Variants in PARD3B observed in about 807,000 individuals in gnomAD.
PARD3B encodes partitioning defective 3 homolog B.
Under a neutral mutation model 130.2 loss-of-function variants are expected in PARD3B, and 103 were observed. The ratio of observed to expected loss-of-function variants is 0.79; its 90% CI spans 0.67 to 0.93. The LOEUF is 0.93. Among genes scored for constraint, PARD3B ranks in the 40% least tolerant of loss-of-function variants. The probability of loss-of-function intolerance (pLI) is 0.00; values close to 1 mark genes in which losing one functional copy is unlikely to be tolerated. For synonymous variants in PARD3B, 583 were observed against 553.2 expected, an observed-to-expected ratio of 1.05 and a Z score of -0.76; for missense variants, 1,609 against 1,499.2, an observed-to-expected ratio of 1.07 and a Z score of -1.21.
At chr2:204,620,441 C>T (rs2034259211) in intron 1 of PARD3B, among the ~76,000 whole-genome samples, 1 of 152,184 alleles carries the variant, frequency 6.6e-6, no homozygotes. Context: ...TACTTCATCT[C>T]TGTTATGATT....
rs1333503795 is a variant in PARD3B, at chr2:205,590,549, G to A, written c.3261-24907G>A. ...CTGATGATCCAGGCCTGGGTCACAT[G>A]CCCCTCTGGAGTCCAGAGTGGAGTC... On this transcript the variant is annotated intron_variant, in intron 22 of 22. Transcript: ENST00000406610. The surrounding 1 kb of genome is among the most constrained non-coding windows in gnomAD (Gnocchi z 4.1). Among the ~76,000 whole-genome samples the A allele has an allele frequency of 6.6e-6, 1 of 152,192 alleles. No individual in the cohort carries two copies. Among genetic ancestry groups the A allele is most frequent in the Non-Finnish European group, 1.5e-5 (1 of 68,036 alleles).
chr2:205,556,121 T>C (rs2052872693), intron 22 of PARD3B, among the ~76,000 whole-genome samples: 2 of 152,306 alleles, frequency 1.3e-5, no homozygotes, highest in South Asian at 2.1e-4. Flanking sequence ...CACATCTCGG[T>C]AGGCACCGGA....
At chr2:204,882,210 A>T (rs951402059) in intron 2 of PARD3B, among the ~76,000 whole-genome samples, 2 of 152,226 alleles carry the variant, frequency 1.3e-5, no homozygotes, top group Non-Finnish European at 2.9e-5. Context: ...CCCCATATTT[A>T]AAAATCTGTA....
intron 18 of PARD3B, among the ~76,000 whole-genome samples, chr2:205,390,511 G>A (rs1369346266): frequency 3.3e-5 from 5 of 152,108 alleles, no homozygotes; most frequent in Admixed American, 1.3e-4. Flanking sequence ...GAAAAGATGC[G>A]AATTTGGGCA....
chr2:204,654,809 T>G (rs1011937340), intron 1 of PARD3B, among the ~76,000 whole-genome samples: 1 of 152,180 alleles, frequency 6.6e-6, no homozygotes, highest in Non-Finnish European at 1.5e-5. Context: ...TTTGTTTATT[T>G]CTGGGCACAG....
chr2:204,710,297 C>T (rs1329687449), intron 2 of PARD3B, among the ~76,000 whole-genome samples: 1 of 152,184 alleles, frequency 6.6e-6, no homozygotes, highest in Non-Finnish European at 1.5e-5. Context: ...CTGGCACATA[C>T]TGCCTAAGAA....
intron 22 of PARD3B, among the ~76,000 whole-genome samples, chr2:205,599,489 T>C (rs765207281): frequency 6.6e-5 from 10 of 152,212 alleles, no homozygotes; most frequent in Non-Finnish European, 1.2e-4. Flanking sequence ...GAAGTCTTTA[T>C]TGCAAGACCA....
Position 204,780,171 on chromosome 2 carries a change from T to A in PARD3B, c.222+93889T>A, listed in dbSNP as rs562711439. Among the ~76,000 whole-genome samples the A allele has an allele frequency of 3.9e-5, 6 of 152,308 alleles. No individual in the cohort carries two copies. In the East Asian group the frequency reaches 1.2e-3, roughly 29 times the overall value. On this transcript the variant is annotated intron_variant, in intron 2 of 22. Transcript: ENST00000406610. The stretch of plus-strand genomic sequence containing the variant: ...GGAGGTGTTCAGTACATTATGAAAT[T>A]CTGTGCTTTTACCTCCTGCTAAGGA...
chr2:204,595,277 G>C (rs760128742), intron 1 of PARD3B, among the ~76,000 whole-genome samples: 1 of 152,148 alleles, frequency 6.6e-6, no homozygotes, highest in Non-Finnish European at 1.5e-5. Flanking sequence ...GGCTGGACTC[G>C]GGCAGTGGAA....
At chr2:205,378,938 T>C (rs1461016571) in intron 18 of PARD3B, among the ~76,000 whole-genome samples, 1 of 151,874 alleles carries the variant, frequency 6.6e-6, no homozygotes, top group Non-Finnish European at 1.5e-5. Context: ...CCTTTTTTTT[T>C]TCTTTCTTTT....
At chr2:204,770,446 G>A (rs2041315923) in intron 2 of PARD3B, among the ~76,000 whole-genome samples, 1 of 150,152 alleles carries the variant, frequency 6.7e-6, no homozygotes, top group Non-Finnish European at 1.5e-5. Context: ...TTTGGAATAG[G>A]TGTGGTGTGG....
At chr2:204,916,734 A>C (rs1389476358) in intron 2 of PARD3B, among the ~76,000 whole-genome samples, 1 of 152,172 alleles carries the variant, frequency 6.6e-6, no homozygotes, top group Non-Finnish European at 1.5e-5. Flanking sequence ...TTAATGAGCA[A>C]GAATGCCACA....
At position 205,563,430 on chromosome 2, in the gene PARD3B, G is replaced by A. The variant is rs1051352914; in HGVS notation, c.3260+10027G>A. Among the ~76,000 whole-genome samples the A allele has an allele frequency of 1.3e-5, 2 of 152,112 alleles. No individual in the cohort carries two copies. The highest frequency in any genetic ancestry group is 2.9e-5 in the Non-Finnish European group (2 of 68,030). On this transcript the variant is annotated intron_variant, in intron 22 of 22. Coordinates refer to ENST00000406610, the MANE Select transcript of PARD3B (RefSeq NM_001302769.2). This position sits in a 1 kb window ranked among gnomAD's most constrained non-coding sequence, Gnocchi z 4.2. ...GAATCAGAATCAGAATTCAAACCCA[G>A]GACTCTCTGGTTTCCAAGGCCTTTT...
chr2:204,965,655 T>C (rs1691176330), intron 3 of PARD3B, among the ~76,000 whole-genome samples: 1 of 152,130 alleles, frequency 6.6e-6, no homozygotes, highest in African/African-American at 2.4e-5. Context: ...AAAGCCAAGG[T>C]TTATCAAAGA....
intron 20 of PARD3B, among the ~76,000 whole-genome samples, chr2:205,462,699 A>G (rs1361007503): frequency 1.3e-5 from 2 of 152,192 alleles, no homozygotes; most frequent in Non-Finnish European, 2.9e-5. Context: ...TATTCTTGGA[A>G]TCTCTGTACT....
chr2:205,319,380 A>G (rs776062691), intron 18 of PARD3B, among the ~76,000 whole-genome samples: 2 of 152,206 alleles, frequency 1.3e-5, no homozygotes, highest in Non-Finnish European at 2.9e-5. Context: ...CTGATGGGCC[A>G]TCTCTAGAAC....
intron 2 of PARD3B, among the ~76,000 whole-genome samples, chr2:204,765,442 G>C (rs574454771): frequency 6.6e-6 from 1 of 152,260 alleles, no homozygotes; most frequent in Non-Finnish European, 1.5e-5. Flanking sequence ...TCTGAGTTCT[G>C]ATCTTAACCT....
At chr2:205,457,468 A>G (rs2048314780) in intron 20 of PARD3B, among the ~76,000 whole-genome samples, 1 of 152,006 alleles carries the variant, frequency 6.6e-6, no homozygotes, top group Non-Finnish European at 1.5e-5. Context: ...GCCAAACAAT[A>G]CACTGTAATT....
chr2:205,184,292 G>T (rs2035969536), intron 13 of PARD3B, among the ~76,000 whole-genome samples: 1 of 152,108 alleles, frequency 6.6e-6, no homozygotes, highest in East Asian at 1.9e-4. Context: ...GTTCTCAAGG[G>T]TAGAGATATT....
Sources: gnomAD v4.1 joint callset for allele counts (sites outside exome capture counted in the v4.1 genomes callset) on GRCh38, gnomAD v4.1.1 for gene constraint, Gnocchi (gnomAD v3.1) non-coding constraint, MANE v1.5 for transcripts, NCBI Gene and HGNC (gene_info 2026-07-23, HGNC 2026-07-21) for gene names.